Variants in NAV2 observed in about 807,000 individuals in gnomAD.
NAV2 encodes the protein neuron navigator 2.
In NAV2, 54 loss-of-function variants were observed where a neutral mutation model predicts 223.2. The ratio of observed to expected loss-of-function variants is 0.24; its 90% CI spans 0.19 to 0.30. The LOEUF (loss-of-function observed/expected upper bound fraction) is 0.30, where lower values mean the gene tolerates loss of function less well. Among genes scored for constraint, NAV2 ranks in the 10% least tolerant of loss-of-function variants. The pLI, the probability that NAV2 is intolerant of heterozygous loss-of-function variation, is 1.00. For synonymous variants in NAV2, 1,279 were observed against 1,239.3 expected (o/e 1.03, Z -0.67); for missense variants, 2,806 against 3,147.5 (o/e 0.89, Z 2.60).
At chr11:19,606,353 A>G (rs2046474935) in intron 1 of NAV2, among the ~76,000 whole-genome samples, 1 of 152,128 alleles carries the variant, frequency 6.6e-6, no homozygotes, top group South Asian at 2.1e-4. Flanking sequence ...ATGTTACACT[A>G]CTCATTTATA....
At chr11:19,677,797 C>A (rs1272775527) in intron 1 of NAV2, among the ~76,000 whole-genome samples, 1 of 152,196 alleles carries the variant, frequency 6.6e-6, no homozygotes, top group Non-Finnish European at 1.5e-5. Flanking sequence ...CATGACCATT[C>A]GTTTCTGTAT....
At chr11:19,351,332 T>A (rs891776918) in intron 1 of NAV2, among the ~76,000 whole-genome samples, 2 of 152,224 alleles carry the variant, frequency 1.3e-5, no homozygotes, top group African/African-American at 4.8e-5. Flanking sequence ...TATGAGTTTC[T>A]TTGTACTGAA....
Position 19,879,876 on chromosome 11 carries a change from G to A in NAV2, c.519G>A (p.Arg173=). 4 of 1,613,942 alleles carry A rather than the reference G, an allele frequency of 2.5e-6. No homozygotes were observed. In the South Asian group the frequency reaches 4.4e-5, roughly 18 times the overall value. The stretch of plus-strand genomic sequence containing the variant: ...CTCTTTATTGTCTTGCAGAGATCAG[G>A]AATGGAAACCTCAAGGCCATTCTAG... The part of the protein sequence containing the change: ...NIQGLSAEEI[R]NGNLKAILGL... Residue 173 remains arginine, a synonymous_variant, in exon 5 of 38, where the codon AGG becomes AGA. Coordinates refer to ENST00000349880, the MANE Select transcript of NAV2 (RefSeq NM_145117.5).
chr11:19,435,499 C>T (rs1851184031), intron 1 of NAV2, among the ~76,000 whole-genome samples: 1 of 152,100 alleles, frequency 6.6e-6, no homozygotes. Flanking sequence ...TCAATTGTTT[C>T]CATATCTTGG....
chr11:19,963,455 C>T (rs2153412535), intron 10 of NAV2, among the ~76,000 whole-genome samples: 1 of 152,156 alleles, frequency 6.6e-6, no homozygotes, highest in Non-Finnish European at 1.5e-5. Flanking sequence ...GAAGGCAAGA[C>T]CAAAAAGGAA....
chr11:19,522,885 G>A (rs562989806), intron 1 of NAV2, among the ~76,000 whole-genome samples: 17 of 152,304 alleles, frequency 1.1e-4, no homozygotes, highest in African/African-American at 3.1e-4. Flanking sequence ...CCATATACCA[G>A]CCCCAACCTA....
chr11:19,524,027 C>G (rs1428660861), intron 1 of NAV2, among the ~76,000 whole-genome samples: 1 of 152,236 alleles, frequency 6.6e-6, no homozygotes, highest in Admixed American at 6.5e-5. Context: ...TACTCCTCCT[C>G]TCTGTTCCCA....
intron 1 of NAV2, among the ~76,000 whole-genome samples, chr11:19,408,359 G>A (rs1250042356): frequency 6.6e-6 from 1 of 152,186 alleles, no homozygotes; most frequent in Non-Finnish European, 1.5e-5. Flanking sequence ...ATGGAAAGGA[G>A]CTAAAATATT....
chr11:19,777,680 G>C, intron 1 of NAV2: 1 of 401,960 alleles, frequency 2.5e-6, no homozygotes, highest in Non-Finnish European at 5.0e-6. Context: ...GATCTCAGGG[G>C]AGGTGTGTGT....
chr11:19,803,882 A>G (rs1403099494), intron 1 of NAV2, among the ~76,000 whole-genome samples: 1 of 152,216 alleles, frequency 6.6e-6, no homozygotes, highest in African/African-American at 2.4e-5. Context: ...TCTGTGGCTT[A>G]TCGAATTGGA....
intron 22 of NAV2, among the ~76,000 whole-genome samples, chr11:20,072,650 C>T (rs144542383): frequency 1.3e-5 from 2 of 152,132 alleles, no homozygotes; most frequent in Admixed American, 1.3e-4. Context: ...AGGTCCTTCA[C>T]GTCCCTTGTA....
chr11:19,895,104 C>CTTTTTTTT (rs71050690), intron 6 of NAV2, among the ~76,000 whole-genome samples: 25 of 99,236 alleles, frequency 2.5e-4, no homozygotes, highest in African/African-American at 3.6e-4. Context: ...CTTTTTCTTT[C>CTTTTTTTT]TTTTTTTTTT....
At position 19,429,831 on chromosome 11, in the gene NAV2, G is replaced by T. The variant is rs76342705; in HGVS notation, c.75+78804G>T. On this transcript the variant is annotated intron_variant, in intron 1 of 37. Coordinates refer to the NAV2 transcript ENST00000360655. ...CAGTTTGCTGAGTGGCCTGAAGTCA[G>T]CAGGATTTCATCAGGAAAACACATT... Among the ~76,000 whole-genome samples the T allele has an allele frequency of 2.4e-3, 363 of 152,308 alleles. 1 individual carries two copies. The highest frequency in any genetic ancestry group is 7.8e-3 in the African/African-American group (325 of 41,568).
chr11:19,446,569 T>G (rs1390588186), intron 1 of NAV2, among the ~76,000 whole-genome samples: 1 of 152,140 alleles, frequency 6.6e-6, no homozygotes, highest in Non-Finnish European at 1.5e-5. Flanking sequence ...ATGAGCTCCT[T>G]CTAGCCTGCC....
intron 10 of NAV2, among the ~76,000 whole-genome samples, chr11:19,970,292 C>T (rs2049119756): frequency 6.6e-6 from 1 of 152,176 alleles, no homozygotes; most frequent in Non-Finnish European, 1.5e-5. Flanking sequence ...TCTCACGCTC[C>T]CAAATAGCTG....
intron 1 of NAV2, among the ~76,000 whole-genome samples, chr11:19,415,568 G>A (rs1024836820): frequency 6.6e-6 from 1 of 152,226 alleles, no homozygotes; most frequent in African/African-American, 2.4e-5. Context: ...AGTAGAAAAA[G>A]AGGGAATCCT....
At chr11:19,441,047 A>T (rs1851381956) in intron 1 of NAV2, among the ~76,000 whole-genome samples, 1 of 152,222 alleles carries the variant, frequency 6.6e-6, no homozygotes, top group Admixed American at 6.5e-5. Context: ...GAAGATGTAC[A>T]GGATGATGGA....
chr11:19,362,335 A>G (rs1257122530), intron 1 of NAV2, among the ~76,000 whole-genome samples: 2 of 152,160 alleles, frequency 1.3e-5, no homozygotes, highest in Admixed American at 6.5e-5. Flanking sequence ...TTTCTACCAT[A>G]TTATTACCAC....
intron 1 of NAV2, among the ~76,000 whole-genome samples, chr11:19,453,866 A>G (rs2859583): frequency 0.013 from 1,975 of 152,340 alleles, 46 homozygotes; most frequent in African/African-American, 0.046. Flanking sequence ...AGAGCCATCC[A>G]TTGGCCTTCC....
Sources: allele counts gnomAD v4.1 joint callset (sites outside exome capture counted in the v4.1 genomes callset), GRCh38; gene constraint gnomAD v4.1.1; transcripts MANE v1.5; gene names NCBI Gene and HGNC (gene_info 2026-07-23, HGNC 2026-07-21).